Variants in LRFN2 observed in about 807,000 individuals in gnomAD.
LRFN2 encodes leucine rich repeat and fibronectin type III domain containing 2, also known as leucine-rich repeat and fibronectin type-III domain-containing protein 2.
A neutral mutation model predicts 37.3 loss-of-function variants in LRFN2; 18 were observed. That is an observed-to-expected ratio of 0.48 (90% CI 0.33 to 0.72). The LOEUF (loss-of-function observed/expected upper bound fraction) is 0.72. LRFN2 is among the 30% of genes least tolerant of loss of function. The pLI is 0.02. For missense variants in LRFN2, 1,006 were observed against 1,060.7 expected (o/e 0.95, Z 0.72); for synonymous variants, 556 against 466.6 (o/e 1.19, Z -2.47).
chr6:40,466,929 A>G lies in LRFN2; in HGVS notation c.-18-33798T>C, dbSNP rs1396753451. On this transcript the variant is annotated intron_variant, in intron 1 of 2. Transcript: ENST00000338305. ...GTGCCTGGTATTCTTAAAAGAAGTAAAAGTATGGACATGGACACACACAGA... is the reference window on the plus strand; with the variant it reads ...GTGCCTGGTATTCTTAAAAGAAGTAGAAGTATGGACATGGACACACACAGA... Among the ~76,000 whole-genome samples the G allele has an allele frequency of 7.9e-5, 12 of 152,204 alleles. No individual in the cohort carries two copies. In the East Asian group the frequency reaches 2.3e-3, roughly 29 times the overall value.
At chr6:40,565,520 T>C (rs1581797279) in intron 1 of LRFN2, among the ~76,000 whole-genome samples, 1 of 152,030 alleles carries the variant, frequency 6.6e-6, no homozygotes, top group African/African-American at 2.4e-5. Context: ...CAGCATGGTA[T>C]TGGTACCAAA....
At chr6:40,533,374 A>AACAC (rs58462773) in intron 1 of LRFN2, among the ~76,000 whole-genome samples, 6,536 of 142,992 alleles carry the variant, frequency 0.046, 180 homozygotes, top group East Asian at 0.072. Flanking sequence ...TCTTGCTCAA[A>AACAC]ACACACACAC....
At chr6:40,513,208 A>G (rs1469133486) in intron 1 of LRFN2, among the ~76,000 whole-genome samples, 1 of 151,948 alleles carries the variant, frequency 6.6e-6, no homozygotes, top group East Asian at 1.9e-4. Flanking sequence ...TTGAAGGAGC[A>G]GTTAACAATA....
intron 1 of LRFN2, among the ~76,000 whole-genome samples, chr6:40,565,836 A>G (rs1275274103): frequency 2.0e-5 from 3 of 151,982 alleles, no homozygotes; most frequent in Non-Finnish European, 4.4e-5. Context: ...CAAGGACTTC[A>G]TGTCTAAAAC....
At chr6:40,487,427 G>C (rs1275058668) in intron 1 of LRFN2, among the ~76,000 whole-genome samples, 1 of 152,230 alleles carries the variant, frequency 6.6e-6, no homozygotes, top group Non-Finnish European at 1.5e-5. Flanking sequence ...GGGCGTCAAT[G>C]AGTTCTTGCT....
chr6:40,440,937 G>A (rs1490238864), intron 1 of LRFN2, among the ~76,000 whole-genome samples: 2 of 152,112 alleles, frequency 1.3e-5, no homozygotes, highest in Non-Finnish European at 2.9e-5. Flanking sequence ...CATTTCTGGG[G>A]AATCCAGCTC....
At chr6:40,541,986 TC>T (rs1766562670) in intron 1 of LRFN2, among the ~76,000 whole-genome samples, 3 of 152,190 alleles carry the variant, frequency 2.0e-5, no homozygotes, top group Non-Finnish European at 4.4e-5. Context: ...CACATGCAGG[TC>T]CACACCACCA....
At chr6:40,570,783 T>G (rs1400142079) in intron 1 of LRFN2, among the ~76,000 whole-genome samples, 2 of 152,152 alleles carry the variant, frequency 1.3e-5, no homozygotes, top group Non-Finnish European at 2.9e-5. Context: ...CTAGGCAGAA[T>G]GCAAAGGCCC....
intron 1 of LRFN2, among the ~76,000 whole-genome samples, chr6:40,477,951 G>A (rs184934111): frequency 1.3e-5 from 2 of 152,314 alleles, no homozygotes; most frequent in Admixed American, 6.5e-5. Flanking sequence ...TAACACAGAC[G>A]CAGCAAACCG....
At chr6:40,502,774 T>C (rs2113877456) in intron 1 of LRFN2, among the ~76,000 whole-genome samples, 1 of 152,320 alleles carries the variant, frequency 6.6e-6, no homozygotes, top group East Asian at 1.9e-4. Context: ...GGTTGCCCAG[T>C]GGGGCCCAGA....
At chr6:40,519,915 C>G (rs1014486566) in intron 1 of LRFN2, among the ~76,000 whole-genome samples, 1 of 152,136 alleles carries the variant, frequency 6.6e-6, no homozygotes, top group East Asian at 1.9e-4. Flanking sequence ...CAAGCACTAT[C>G]CTAGGCATTA....
intron 1 of LRFN2, among the ~76,000 whole-genome samples, chr6:40,542,374 A>G (rs1038336795): frequency 5.3e-5 from 8 of 151,860 alleles, no homozygotes; most frequent in African/African-American, 1.9e-4. Context: ...GCTGGGCAGG[A>G]GGAGGAGGGA....
chr6:40,427,924 G>T (rs966735949), intron 2 of LRFN2, among the ~76,000 whole-genome samples: 7 of 152,202 alleles, frequency 4.6e-5, no homozygotes, highest in Non-Finnish European at 7.3e-5. Flanking sequence ...CAGGCCTGTT[G>T]GGCTTTGGCA....
intron 1 of LRFN2, among the ~76,000 whole-genome samples, chr6:40,563,583 C>T (rs1395284059): frequency 1.3e-5 from 2 of 152,106 alleles, no homozygotes; most frequent in African/African-American, 4.8e-5. Flanking sequence ...TCAGCTGAGG[C>T]GAAGGTAGAT....
chr6:40,434,756 G>A (rs1400569964), intron 1 of LRFN2, among the ~76,000 whole-genome samples: 1 of 151,706 alleles, frequency 6.6e-6, no homozygotes, highest in African/African-American at 2.4e-5. Context: ...GGGATTACAA[G>A]CGTGAGCCAC....
intron 1 of LRFN2, among the ~76,000 whole-genome samples, chr6:40,483,710 C>T (rs907816236): frequency 6.6e-6 from 1 of 152,198 alleles, no homozygotes; most frequent in African/African-American, 2.4e-5. Context: ...ATGATGTGGG[C>T]ATGAGAAGGG....
intron 1 of LRFN2, among the ~76,000 whole-genome samples, chr6:40,555,318 G>A (rs565766411): frequency 8.5e-5 from 13 of 152,302 alleles, no homozygotes; most frequent in South Asian, 8.3e-4. Context: ...TGAGGGTTGC[G>A]GTGGGGAGGC....
At chr6:40,418,981 G>A (rs1057209487) in intron 2 of LRFN2, among the ~76,000 whole-genome samples, 2 of 152,164 alleles carry the variant, frequency 1.3e-5, no homozygotes, top group Admixed American at 1.3e-4. Context: ...GCATCCCGGA[G>A]AGAATGTATT....
At chr6:40,571,602 T>A (rs1767188177) in intron 1 of LRFN2, among the ~76,000 whole-genome samples, 1 of 152,198 alleles carries the variant, frequency 6.6e-6, no homozygotes, top group Non-Finnish European at 1.5e-5. Flanking sequence ...GTGTTTTAAA[T>A]AGCCCAGGTT....
Sources: allele counts gnomAD v4.1 joint callset (sites outside exome capture counted in the v4.1 genomes callset), GRCh38; gene constraint gnomAD v4.1.1; transcripts MANE v1.5; gene names NCBI Gene and HGNC (gene_info 2026-07-23, HGNC 2026-07-21).